MSL3: variants seen among roughly 807,000 people sequenced by gnomAD.
MSL3 encodes MSL3-like 1.
Under a neutral mutation model 37.2 loss-of-function variants are expected in MSL3, and 5 were observed. The observed-to-expected ratio is 0.13, with a 90% CI of 0.07 to 0.28. The LOEUF is 0.28. Among genes scored for constraint, MSL3 ranks in the 10% least tolerant of loss-of-function variants. The pLI is 1.00. For synonymous variants in MSL3, 149 were observed against 147.6 expected (o/e 1.01, Z -0.07); for missense variants, 315 against 408.5 (o/e 0.77, Z 1.97).
chrX:11,759,009 A>T (rs1178861134), intron 1 of MSL3, among the ~76,000 whole-genome samples: 1 of 112,090 alleles, frequency 8.9e-6, no homozygotes, highest in African/African-American at 3.3e-5. Context: ...GGTCCACCTA[A>T]GTCTCCGGGA....
intron 10 of MSL3, among the ~76,000 whole-genome samples, chrX:11,771,210 G>A (rs1341596239): frequency 8.9e-6 from 1 of 112,542 alleles, no homozygotes; most frequent in Non-Finnish European, 1.9e-5. Context: ...CCTCCAGTCT[G>A]ACTGTTTCCA....
chrX:11,769,624 G>T (rs1057279649), intron 10 of MSL3, among the ~76,000 whole-genome samples: 1 of 111,358 alleles, frequency 9.0e-6, no homozygotes, highest in Non-Finnish European at 1.9e-5. Flanking sequence ...TTGACACAGG[G>T]TCTCACTCTC....
chrX:11,766,876 C>T (rs767014450), intron 9 of MSL3: 17 of 753,184 alleles, frequency 2.3e-5, no homozygotes, highest in East Asian at 1.5e-4. Flanking sequence ...CCAAAGCTAA[C>T]GTCAGGGTAA....
At chrX:11,767,905 G>A (rs1400222412) in intron 9 of MSL3, 6 of 752,947 alleles carry the variant, frequency 8.0e-6, no homozygotes, top group Non-Finnish European at 9.4e-6. Context: ...ATTGAAAAGG[G>A]TCAGCTGGGA....
At chrX:11,770,308 G>C (rs1013652533) in intron 10 of MSL3, among the ~76,000 whole-genome samples, 1 of 111,748 alleles carries the variant, frequency 8.9e-6, no homozygotes, top group Non-Finnish European at 1.9e-5. Context: ...GAAATCCCTA[G>C]TTCAAGCAGT....
rs2053267102 is a variant in MSL3 at position 11,775,508 on chromosome X, G to A, written c.*429G>A. On this transcript the variant is annotated 3_prime_UTR_variant, in exon 13 of 13. Coordinates refer to ENST00000312196, the MANE Select transcript of MSL3 (RefSeq NM_078629.4). Reference sequence around the variant, plus strand: ...TCCAAAAAGGTTTAGTTTGTACTCGGAAACCACAAAGTAGTCTCAAAGTAT... The same window carrying A: ...TCCAAAAAGGTTTAGTTTGTACTCGAAAACCACAAAGTAGTCTCAAAGTAT... 1.7e-5 allele frequency: 2 copies of A among 114,979 alleles called. No individual in the cohort carries two copies. Among genetic ancestry groups the A allele is most frequent in the Admixed American group, 1.9e-4 (2 of 10,792 alleles). 9.5% of individuals were successfully genotyped at this position (114,979 alleles called of 1,213,427 possible).
chrX:11,769,181 A>C (rs1380737681), intron 10 of MSL3: 1 of 116,563 alleles, frequency 8.6e-6, no homozygotes, highest in Non-Finnish European at 1.8e-5. Flanking sequence ...ATCCACTCTT[A>C]GCTTGTGGGC....
chrX:11,772,358 AT>A, intron 11 of MSL3, 103 bp downstream of exon 11: 1 of 659,311 alleles, frequency 1.5e-6, no homozygotes, highest in Non-Finnish European at 2.3e-6. Context: ...TAACTAAGAA[AT>A]TTGGGGATCC....
chrX:11,763,706 C>T (rs777490080), intron 7 of MSL3, 74 bp from the exon 8 acceptor site: 10 of 921,654 alleles, frequency 1.1e-5, no homozygotes, highest in South Asian at 7.7e-5. Flanking sequence ...TATTAAAAAT[C>T]GGCAACTTCA....
chrX:11,767,342 C>G (rs779973744), intron 9 of MSL3: 10 of 663,711 alleles, frequency 1.5e-5, no homozygotes, highest in Non-Finnish European at 1.8e-5. Context: ...AAAATTCACA[C>G]ATTTAAAGTT....
chrX:11,758,445 G>T, intron 1 of MSL3, 80 bp downstream of exon 1: 1 of 931,434 alleles, frequency 1.1e-6, no homozygotes, highest in Non-Finnish European at 1.4e-6. Flanking sequence ...GGACGGCCGC[G>T]CGGAGCTGAG....
Position 11,772,693 on chromosome X carries a change from A to T in MSL3, c.1454A>T (p.Asp485Val), listed in dbSNP as rs768169579. ...CTGAAGGCTTTATTGAAGCACTTTG[A>T]TCTCTTTTTGAGGTATTTTTATTAT... is the stretch of plus-strand genomic sequence containing the variant. ...KNLKALLKHF[D>V]LFLRFLAEYH... The change falls in exon 12 of 13, where the codon GAT (aspartate) becomes GTT (valine). Residue 485 changes from aspartate (D) to valine (V), a missense_variant. Transcript: ENST00000312196. The T allele has an allele frequency of 1.7e-6, 2 of 1,166,748 alleles. No homozygotes were observed. Among genetic ancestry groups the T allele is most frequent in the Admixed American group, 4.5e-5 (2 of 43,976 alleles).
rs1453476207 is a variant in MSL3 at position 11,772,055 on chromosome X, T to A, written c.1282-101T>A. ...TTGTGTTTATTTTGATCCAATCACTTATTTTTTCCCCTCTACGTACAATTT... is the reference window on the plus strand; with the variant it reads ...TTGTGTTTATTTTGATCCAATCACTAATTTTTTCCCCTCTACGTACAATTT... On this transcript the variant is annotated intron_variant, in intron 10 of 12. Coordinates refer to ENST00000312196, the MANE Select transcript of MSL3 (RefSeq NM_078629.4). 40 of 558,032 alleles carry A rather than the reference T, an allele frequency of 7.2e-5. No individual in the cohort carries two copies. The East Asian group carries it at 1.0e-3, about 15-fold the overall frequency. 46.0% of individuals were successfully genotyped at this position (558,032 alleles called of 1,213,427 possible).
rs758202552 is a variant in MSL3, at chrX:11,772,142, C to T, written c.1282-14C>T. ...TTAAGAATAACAAAAGCATTCAATT[C>T]GTGCTTTTTCCAGGTCCTCTCCTGG... On this transcript the variant is annotated splice_polypyrimidine_tract_variant and intron_variant, in intron 10 of 12. Coordinates refer to ENST00000312196, the MANE Select transcript of MSL3 (RefSeq NM_078629.4). The T allele has an allele frequency of 1.8e-4, 209 of 1,149,284 alleles. 3 individuals are homozygous for T. In the Admixed American group the frequency reaches 4.0e-3, roughly 22 times the overall value. The allele number at this position is 1,149,284 out of a possible 1,213,427, so 94.7% of individuals were successfully genotyped here.
At position 11,758,443 on chromosome X, in the gene MSL3, G is replaced by T. The variant is rs1601763968; in HGVS notation, c.102+78G>T. On this transcript the variant is annotated intron_variant, in intron 1 of 12. Transcript: ENST00000312196. ...GGGGCGGGGGCGGGGGCGGACGGCC[G>T]CGCGGAGCTGAGGGACCGGCCGGGC... is the stretch of plus-strand genomic sequence containing the variant. 25 of 932,100 alleles carry T rather than the reference G, an allele frequency of 2.7e-5. No individual in the cohort carries two copies. The East Asian group carries it at 9.9e-4, about 37-fold the overall frequency. The allele number at this position is 932,100 out of a possible 1,213,427, so 76.8% of individuals were successfully genotyped here.
intron 9 of MSL3, chrX:11,767,459 T>A (rs944781259): frequency 6.8e-6 from 1 of 147,066 alleles, no homozygotes; most frequent in Non-Finnish European, 1.2e-5. Context: ...AAACCCCATC[T>A]CTTAAAGAAA....
In MSL3 at chrX:11,764,821, T is replaced by G. The variant is rs763941346; in HGVS notation, c.909-646T>G. ...CCTGGCCGCCATCTCCTCTCAGCCA[T>G]CCTTCCTTTGGTAGCTTCTCTCTCT... On this transcript the variant is annotated intron_variant, in intron 8 of 12. Coordinates refer to ENST00000312196, the MANE Select transcript of MSL3 (RefSeq NM_078629.4). 5.4e-5 allele frequency among the ~76,000 whole-genome samples: 6 copies of G among 111,992 alleles called. No individual in the cohort carries two copies. In the East Asian group the frequency reaches 1.7e-3, roughly 32 times the overall value.
Position 11,775,117 on chromosome X carries a change from G to T in MSL3, c.*38G>T. On this transcript the variant is annotated 3_prime_UTR_variant, in exon 13 of 13. Coordinates refer to ENST00000312196, the MANE Select transcript of MSL3 (RefSeq NM_078629.4). ...TCTGTAAGAGCAACTGCTCTGTCTA[G>T]TTTGGCGCTCTGGGTTCCAGGTGAA... 1 of 1,036,688 alleles carries T rather than the reference G, an allele frequency of 9.6e-7. No individual in the cohort carries two copies. 85.4% of individuals were successfully genotyped at this position (1,036,688 alleles called of 1,213,427 possible). A position where few individuals can be genotyped will look rare whatever the true frequency, so the allele number is the denominator to read the frequency against.
intron 12 of MSL3, among the ~76,000 whole-genome samples, chrX:11,773,997 T>C (rs1487918798): frequency 8.9e-6 from 1 of 112,319 alleles, no homozygotes; most frequent in South Asian, 3.7e-4. Context: ...AAGGCAAATG[T>C]GCTTATTAGT....
Sources: gnomAD v4.1 joint callset for allele counts (sites outside exome capture counted in the v4.1 genomes callset) on GRCh38, gnomAD v4.1.1 for gene constraint, MANE v1.5 for transcripts, NCBI Gene and HGNC (gene_info 2026-07-23, HGNC 2026-07-21) for gene names.